Variants in NDUFA10 observed in about 807,000 individuals in gnomAD.
The protein encoded by NDUFA10 is NADH dehydrogenase [ubiquinone] 1 alpha subcomplex subunit 10, mitochondrial.
In NDUFA10, 40 loss-of-function variants were observed where a neutral mutation model predicts 47.8. The observed-to-expected ratio is 0.84, with a 90% confidence interval of 0.65 to 1.09. NDUFA10 has a LOEUF of 1.09. Among genes scored for constraint, NDUFA10 ranks in the 50% least tolerant of loss-of-function variants. NDUFA10 has a pLI of 0.00. For synonymous variants in NDUFA10, 183 were observed against 172.2 expected (o/e 1.06, Z -0.49); for missense variants, 413 against 451.1 (o/e 0.92, Z 0.76).
intron 9 of NDUFA10, among the ~76,000 whole-genome samples, chr2:239,966,726 C>G (rs1005017955): frequency 2.0e-5 from 3 of 152,140 alleles, no homozygotes; most frequent in Admixed American, 1.3e-4. Context: ...CCCTCTCCCC[C>G]ACCAACCGGA....
At chr2:240,024,296 G>A (rs933392411) in intron 1 of NDUFA10, among the ~76,000 whole-genome samples, 2 of 152,172 alleles carry the variant, frequency 1.3e-5, no homozygotes, top group South Asian at 2.1e-4. Flanking sequence ...AAAAAGAAAT[G>A]AGTTACCAAG....
chr2:239,975,562 G>T (rs1208585011), intron 9 of NDUFA10, among the ~76,000 whole-genome samples: 1 of 152,206 alleles, frequency 6.6e-6, no homozygotes, highest in Non-Finnish European at 1.5e-5. Context: ...ATGGGAATAA[G>T]AATAATAGTG....
rs1270865230 is a variant in NDUFA10, at chr2:239,899,463, TGAC to T, written c.295-4152_295-4150del. On this transcript the variant is annotated intron_variant, in intron 4 of 5. Coordinates refer to the NDUFA10 transcript ENST00000419408. ...TGTGGAGGGTTGTGATGGAGGGGTG[TGAC>T]GGAGGGGTGTGATGGAGAGGTGTGA... Among the ~76,000 whole-genome samples, 65 of 134,892 alleles carry T rather than the reference TGAC, an allele frequency of 4.8e-4. 3 individuals are homozygous for T. The highest frequency in any genetic ancestry group is 4.2e-3 in the Middle Eastern group (1 of 236). The allele number at this position is 134,892 out of a possible 152,430, so 88.5% of individuals were successfully genotyped here.
At chr2:239,969,961 G>A (rs1412286727) in intron 9 of NDUFA10, among the ~76,000 whole-genome samples, 1 of 152,148 alleles carries the variant, frequency 6.6e-6, no homozygotes, top group Non-Finnish European at 1.5e-5. Flanking sequence ...AAAGGGGGAG[G>A]ATAGAAAAAA....
chr2:240,023,540 C>CTA (rs1697729231), intron 1 of NDUFA10, among the ~76,000 whole-genome samples: 1 of 152,096 alleles, frequency 6.6e-6, no homozygotes, highest in Admixed American at 6.6e-5. Flanking sequence ...TAAGATTGAC[C>CTA]TATAAGGATG....
chr2:239,992,679 C>T (rs755678853), intron 8 of NDUFA10, among the ~76,000 whole-genome samples: 11 of 152,274 alleles, frequency 7.2e-5, no homozygotes, highest in Admixed American at 3.3e-4. Flanking sequence ...GGAGGCCTGA[C>T]GTGTCCTCGG....
At position 240,021,271 on chromosome 2, in the gene NDUFA10, TA is replaced by T. The variant is rs1697608016; in HGVS notation, c.385del (p.Tyr129ThrfsTer23). 1 of 1,614,102 alleles carries T rather than the reference TA, an allele frequency of 6.2e-7. No homozygotes were observed. Among genetic ancestry groups the T allele is most frequent in the South Asian group, 1.1e-5 (1 of 91,092 alleles). Reference protein sequence around the residue: ...DDPRSNDGNSYRLQSWLYSSR... With the variant: ...DDPRSNDGNSXRLQSWLYSSR... ...GCTGTACAACCAGGACTGCAGGCGGTAACTGTTGCCATCATTGCTTCTCGGA... is the reference window on the plus strand; with the variant it reads ...GCTGTACAACCAGGACTGCAGGCGGTACTGTTGCCATCATTGCTTCTCGGA... On this transcript the variant is annotated frameshift_variant, in exon 3 of 10. Transcript: ENST00000252711. LOFTEE classifies it high-confidence loss of function.
chr2:239,918,669 T>C (rs1270211993), intron 4 of NDUFA10, among the ~76,000 whole-genome samples: 1 of 152,228 alleles, frequency 6.6e-6, no homozygotes, highest in Admixed American at 6.5e-5. Context: ...AAGTTCTCTC[T>C]CCTCCACTTT....
At chr2:239,998,094 A>C (rs1239644548) in intron 8 of NDUFA10, among the ~76,000 whole-genome samples, 1 of 152,262 alleles carries the variant, frequency 6.6e-6, no homozygotes, top group Non-Finnish European at 1.5e-5. Context: ...ACCTGCATTC[A>C]ACTGTTAATC....
chr2:239,940,669 A>G (rs184863247), intron 4 of NDUFA10, among the ~76,000 whole-genome samples: 2 of 152,380 alleles, frequency 1.3e-5, no homozygotes, highest in East Asian at 3.9e-4. Flanking sequence ...TTATCAAGGA[A>G]GGTATCAGAC....
intron 9 of NDUFA10, 120 bp downstream of exon 9, chr2:239,989,952 CCT>C (rs1177029282): frequency 1.3e-6 from 1 of 769,348 alleles, no homozygotes; most frequent in Non-Finnish European, 2.3e-6. Flanking sequence ...AAAAGAGGCT[CCT>C]TCACTAAAAC....
intron 4 of NDUFA10, among the ~76,000 whole-genome samples, chr2:239,935,918 T>C (rs1414045739): frequency 1.3e-5 from 2 of 152,244 alleles, no homozygotes; most frequent in African/African-American, 4.8e-5. Flanking sequence ...ATGTCTTTAT[T>C]GGCAGCGTGA....
intron 4 of NDUFA10, among the ~76,000 whole-genome samples, chr2:239,909,124 G>A (rs1693703741): frequency 6.6e-6 from 1 of 152,238 alleles, no homozygotes; most frequent in East Asian, 1.9e-4. Context: ...AGAATCCTTG[G>A]CTTACAGGCT....
At chr2:239,897,227 T>C (rs745703486) in intron 4 of NDUFA10, among the ~76,000 whole-genome samples, 13 of 152,244 alleles carry the variant, frequency 8.5e-5, no homozygotes, top group South Asian at 2.1e-4. Context: ...TATAATGTTC[T>C]TTCTTGAAGA....
At chr2:239,994,116 G>A (rs371567326) in intron 8 of NDUFA10, among the ~76,000 whole-genome samples, 8 of 152,212 alleles carry the variant, frequency 5.3e-5, no homozygotes, top group African/African-American at 1.9e-4. Flanking sequence ...CCTTCCAGAC[G>A]CTGTGTTGAC....
chr2:239,907,474 G>C (rs1312104048), intron 4 of NDUFA10, among the ~76,000 whole-genome samples: 2 of 152,168 alleles, frequency 1.3e-5, no homozygotes, highest in East Asian at 3.8e-4. Context: ...TACAAAATGG[G>C]AGAAAGTTTT....
Position 240,021,263 on chromosome 2 carries a change from G to A in NDUFA10, c.394C>T (p.Gln132Ter). The A allele has an allele frequency of 5.6e-6, 9 of 1,614,222 alleles. No individual in the cohort carries two copies. Among genetic ancestry groups the A allele is most frequent in the African/African-American group, 1.3e-5 (1 of 75,070 alleles). The change falls in exon 3 of 10, where the codon CAG becomes TAG. Residue 132 changes from glutamine (Q) to a stop codon, truncating the protein, a stop_gained. Coordinates refer to ENST00000252711, the MANE Select transcript of NDUFA10 (RefSeq NM_004544.4). LOFTEE classifies it high-confidence loss of function. ...RSNDGNSYRL[Q>*]SWLYSSRLLQ... ...AGGCGACTGCTGTACAACCAGGACT[G>A]CAGGCGGTAACTGTTGCCATCATTG... is the stretch of plus-strand genomic sequence containing the variant.
intron 5 of NDUFA10, chr2:240,014,198 C>A: frequency 5.9e-6 from 1 of 169,080 alleles, no homozygotes; most frequent in Admixed American, 5.6e-5. Flanking sequence ...CTTCAAAAGG[C>A]GTTGCTTCGA....
chr2:240,023,852 A>G (rs1342297967), intron 1 of NDUFA10, among the ~76,000 whole-genome samples: 1 of 152,264 alleles, frequency 6.6e-6, no homozygotes, highest in Non-Finnish European at 1.5e-5. Flanking sequence ...ACCTCTCGCA[A>G]ATGAAATTAA....
Sources: gnomAD v4.1 joint callset for allele counts (sites outside exome capture counted in the v4.1 genomes callset) on GRCh38, gnomAD v4.1.1 for gene constraint, MANE v1.5 for transcripts, NCBI Gene and HGNC (gene_info 2026-07-23, HGNC 2026-07-21) for gene names.